Variants in CAMTA1 observed in about 807,000 individuals in gnomAD.
The protein encoded by CAMTA1 is calmodulin binding transcription activator 1.
A neutral mutation model predicts 170.9 loss-of-function variants in CAMTA1; 27 were observed. The observed-to-expected ratio is 0.16, with a 90% CI of 0.12 to 0.22. The LOEUF is 0.22. Among genes scored for constraint, CAMTA1 ranks in the 10% least tolerant of loss-of-function variants. CAMTA1 has a pLI of 1.00. For synonymous variants in CAMTA1, 833 were observed against 891.5 expected (o/e 0.93, Z 1.17); for missense variants, 1,619 against 2,217.2 (o/e 0.73, Z 5.42).
rs529491234 is a variant in CAMTA1 at position 7,467,324 on chromosome 1, G to A, written c.439-506G>A. On this transcript the variant is annotated intron_variant, in intron 5 of 22. Coordinates refer to ENST00000303635, the MANE Select transcript of CAMTA1 (RefSeq NM_015215.4). The stretch of plus-strand genomic sequence containing the variant: ...CACAAGCTCTAGAAGCCCATCCTGG[G>A]AAGTGCCGCCCCACCCTGTCCCCCC... Among the ~76,000 whole-genome samples, 62 of 152,184 alleles carry A rather than the reference G, an allele frequency of 4.1e-4. 1 individual carries two copies. The highest frequency in any genetic ancestry group is 2.6e-3 in the Admixed American group (40 of 15,286).
rs1173493437 is a variant in CAMTA1 at position 7,633,147 on chromosome 1, C to G, written c.511-7253C>G. On this transcript the variant is annotated intron_variant, in intron 6 of 22. Coordinates refer to ENST00000303635, the MANE Select transcript of CAMTA1 (RefSeq NM_015215.4). This position sits in a 1 kb window ranked among gnomAD's most constrained non-coding sequence, Gnocchi z 4.1. The stretch of plus-strand genomic sequence containing the variant: ...AGGCCCTCAGCTTGTCCCCCGTCCT[C>G]TCTTTGTCCCTGCAGTTTGGGTGAA... Among the ~76,000 whole-genome samples, 7 of 152,246 alleles carry G rather than the reference C, an allele frequency of 4.6e-5. No individual in the cohort carries two copies. Among genetic ancestry groups the G allele is most frequent in the Non-Finnish European group, 8.8e-5 (6 of 68,046 alleles).
intron 3 of CAMTA1, among the ~76,000 whole-genome samples, chr1:6,876,693 C>G (rs1670000291): frequency 6.6e-6 from 1 of 152,132 alleles, no homozygotes; most frequent in African/African-American, 2.4e-5. Flanking sequence ...GTCTTAGTAT[C>G]TGTCTTTCAA....
At chr1:7,740,838 C>A (rs542332087) in intron 16 of CAMTA1, among the ~76,000 whole-genome samples, 7 of 152,302 alleles carry the variant, frequency 4.6e-5, no homozygotes, top group Admixed American at 6.5e-5. Flanking sequence ...AAATCCACTT[C>A]CTATTTTCAC....
At chr1:7,754,738 T>C (rs932504346) in intron 21 of CAMTA1, among the ~76,000 whole-genome samples, 1 of 152,136 alleles carries the variant, frequency 6.6e-6, no homozygotes, top group Admixed American at 6.5e-5. Context: ...TGGAATGAAA[T>C]AAAAAATGTT....
At position 7,007,132 on chromosome 1, in the gene CAMTA1, T is replaced by G. The variant is rs1699120068; in HGVS notation, c.235-84172T>G. ...GGATGGATGATGGCTCGTGGTTGTT[T>G]GGTGGGCACCATGCTACCTCTGAGA... On this transcript the variant is annotated intron_variant, in intron 3 of 22. Transcript: ENST00000303635. This position sits in a 1 kb window ranked among gnomAD's most constrained non-coding sequence, Gnocchi z 4.5. Among the ~76,000 whole-genome samples, 1 of 152,154 alleles carries G rather than the reference T, an allele frequency of 6.6e-6. No homozygotes were observed. The highest frequency in any genetic ancestry group is 1.9e-4 in the East Asian group (1 of 5,198).
chr1:7,593,009 G>A (rs1215256629), intron 6 of CAMTA1, among the ~76,000 whole-genome samples: 1 of 152,180 alleles, frequency 6.6e-6, no homozygotes, highest in African/African-American at 2.4e-5. Context: ...TAGATGGTGG[G>A]ATTGGGCTTC....
At chr1:7,038,087 C>T (rs1384213389) in intron 3 of CAMTA1, among the ~76,000 whole-genome samples, 2 of 152,078 alleles carry the variant, frequency 1.3e-5, no homozygotes, top group African/African-American at 2.4e-5. Context: ...ATGAAGTTCT[C>T]GTGAGGAGTT....
intron 5 of CAMTA1, among the ~76,000 whole-genome samples, chr1:7,295,635 C>A (rs74052496): frequency 0.012 from 1,800 of 152,284 alleles, 45 homozygotes; most frequent in African/African-American, 0.041. Context: ...GAAATTTATT[C>A]ATCAGTTCAA....
At chr1:7,563,032 C>A (rs1038269809) in intron 6 of CAMTA1, among the ~76,000 whole-genome samples, 1 of 152,212 alleles carries the variant, frequency 6.6e-6, no homozygotes, top group Non-Finnish European at 1.5e-5. Flanking sequence ...AGAGACGACT[C>A]TCAACAGCCA....
chr1:6,949,947 C>T (rs980774598), intron 3 of CAMTA1, among the ~76,000 whole-genome samples: 2 of 152,228 alleles, frequency 1.3e-5, no homozygotes, highest in Admixed American at 6.5e-5. Flanking sequence ...GACTCAGATG[C>T]GTGGGTCATG....
intron 4 of CAMTA1, among the ~76,000 whole-genome samples, chr1:7,142,692 C>T (rs959826329): frequency 4.6e-5 from 7 of 152,240 alleles, no homozygotes; most frequent in African/African-American, 1.7e-4. Flanking sequence ...GGCTTCCTCT[C>T]TTGCCATGCT....
At chr1:7,184,788 A>T (rs905659430) in intron 4 of CAMTA1, among the ~76,000 whole-genome samples, 1 of 152,210 alleles carries the variant, frequency 6.6e-6, no homozygotes, top group African/African-American at 2.4e-5. Flanking sequence ...ACGAAGCCTA[A>T]TGTGGAATAA....
chr1:7,526,569 G>A (rs913355964), intron 6 of CAMTA1, among the ~76,000 whole-genome samples: 1 of 152,214 alleles, frequency 6.6e-6, no homozygotes, highest in Non-Finnish European at 1.5e-5. Flanking sequence ...ATTGGAAGGC[G>A]GAGGAGTCCT....
chr1:7,764,780 C>A (rs141653094), intron 22 of CAMTA1, among the ~76,000 whole-genome samples: 1 of 151,742 alleles, frequency 6.6e-6, no homozygotes, highest in Non-Finnish European at 1.5e-5. Context: ...GCCAACATGG[C>A]GAAACATCAT....
chr1:7,620,209 A>G (rs1393643054), intron 6 of CAMTA1, among the ~76,000 whole-genome samples: 1 of 152,206 alleles, frequency 6.6e-6, no homozygotes, highest in East Asian at 1.9e-4. Flanking sequence ...CTCCCCAAGG[A>G]CATTTGGCAA....
intron 3 of CAMTA1, among the ~76,000 whole-genome samples, chr1:7,030,823 C>A (rs1262840277): frequency 6.7e-6 from 1 of 149,020 alleles, no homozygotes; most frequent in Non-Finnish European, 1.5e-5. Context: ...TTGTTCAAGT[C>A]TTCTACATCC....
intron 3 of CAMTA1, among the ~76,000 whole-genome samples, chr1:6,858,263 A>G (rs1423543626): frequency 1.3e-5 from 2 of 152,120 alleles, no homozygotes; most frequent in Non-Finnish European, 2.9e-5. Context: ...CATTTTGTTT[A>G]CTGTATGTTT....
At chr1:7,728,293 A>G (rs899888527) in intron 11 of CAMTA1, among the ~76,000 whole-genome samples, 16 of 152,090 alleles carry the variant, frequency 1.1e-4, no homozygotes, top group African/African-American at 3.9e-4. Flanking sequence ...TGGCGGGGGG[A>G]TGGGCAGGGG....
intron 3 of CAMTA1, among the ~76,000 whole-genome samples, chr1:6,966,041 AGAG>A (rs1691468121): frequency 6.6e-6 from 1 of 151,992 alleles, no homozygotes; most frequent in South Asian, 2.1e-4. Context: ...CACCATCGGG[AGAG>A]GAGAAGGAGT....
Sources: allele counts gnomAD v4.1 joint callset (sites outside exome capture counted in the v4.1 genomes callset), GRCh38; gene constraint gnomAD v4.1.1; non-coding constraint Gnocchi (gnomAD v3.1); transcripts MANE v1.5; gene names NCBI Gene and HGNC (gene_info 2026-07-23, HGNC 2026-07-21).